SLC47A2: variants seen among roughly 807,000 people sequenced by gnomAD.
The protein encoded by SLC47A2 is solute carrier family 47 member 2.
In SLC47A2, 52 loss-of-function variants were observed where a neutral mutation model predicts 67.7. That is an observed-to-expected ratio of 0.77 (90% CI 0.61 to 0.97). SLC47A2 has a LOEUF of 0.97. SLC47A2 is among the 50% of genes least tolerant of loss of function. SLC47A2 has a pLI of 0.00. For synonymous variants in SLC47A2, 278 were observed against 292.9 expected (o/e 0.95, Z 0.52); for missense variants, 676 against 712.3 (o/e 0.95, Z 0.58).
intron 13 of SLC47A2, among the ~76,000 whole-genome samples, chr17:19,700,758 T>G (rs1329895868): frequency 8.1e-6 from 1 of 123,824 alleles, no homozygotes; most frequent in Non-Finnish European, 1.7e-5. Context: ...GAGTGAGACC[T>G]GTCTCAAAAA....
At chr17:19,714,118 G>T in intron 3 of SLC47A2, 145 bp from the exon 4 acceptor site, 1 of 1,114,266 alleles carries the variant, frequency 9.0e-7, no homozygotes, top group Non-Finnish European at 1.2e-6. Context: ...CCCGCAGCCT[G>T]TAATGGCACA....
intron 13 of SLC47A2, chr17:19,692,227 CAAAA>C (rs11313767): frequency 3.5e-4 from 128 of 364,800 alleles, no homozygotes; most frequent in East Asian, 1.5e-3. Flanking sequence ...GACTCCATGT[CAAAA>C]AAAAAAAAAA....
chr17:19,681,180 T>G (rs1381223282), intron 15 of SLC47A2, among the ~76,000 whole-genome samples, 187 bp downstream of exon 15: 1 of 151,724 alleles, frequency 6.6e-6, no homozygotes, highest in East Asian at 1.9e-4. Context: ...GCCACTGCAC[T>G]CCAGCCTGGG....
intron 13 of SLC47A2, among the ~76,000 whole-genome samples, chr17:19,686,279 T>C (rs572362520): frequency 6.6e-6 from 1 of 151,986 alleles, no homozygotes; most frequent in South Asian, 2.1e-4. Context: ...ATAAATAATA[T>C]TGCAAGCCTC....
At chr17:19,692,025 C>A (rs533799395) in intron 13 of SLC47A2, among the ~76,000 whole-genome samples, 1 of 152,046 alleles carries the variant, frequency 6.6e-6, no homozygotes, top group Non-Finnish European at 1.5e-5. Context: ...GTCAGGAATT[C>A]GAGACCAGCC....
intron 1 of SLC47A2, 27 bp from the exon 2 acceptor site, chr17:19,715,244 C>CG (rs1174600190): frequency 3.8e-6 from 6 of 1,596,900 alleles, no homozygotes; most frequent in Non-Finnish European, 4.3e-6. Context: ...AGGTCAGACT[C>CG]GGGGCCACAG....
At chr17:19,707,608 AGGAGGG>A in intron 8 of SLC47A2, 132 bp downstream of exon 8, 1 of 668,938 alleles carries the variant, frequency 1.5e-6, no homozygotes, top group Admixed American at 2.9e-5. Flanking sequence ...GCAAAGGGGA[AGGAGGG>A]GGCCGTGCAG....
intron 10 of SLC47A2, 65 bp downstream of exon 10, chr17:19,705,371 C>G: frequency 2.0e-6 from 3 of 1,521,388 alleles, no homozygotes; most frequent in South Asian, 1.2e-5. Context: ...AGCCTGCCCC[C>G]CTCCTATGAC....
At chr17:19,680,467 G>A (rs572546132) in intron 15 of SLC47A2, among the ~76,000 whole-genome samples, 3 of 152,260 alleles carry the variant, frequency 2.0e-5, no homozygotes, top group South Asian at 4.2e-4. Context: ...GCAACAGAGC[G>A]ATACTCCATC....
intron 3 of SLC47A2, chr17:19,714,398 C>T (rs982276691): frequency 6.3e-6 from 3 of 479,936 alleles, no homozygotes; most frequent in Non-Finnish European, 1.1e-5. Flanking sequence ...TCGACACATG[C>T]CTGCATGTAG....
chr17:19,693,108 C>T (rs553841026), intron 13 of SLC47A2, among the ~76,000 whole-genome samples: 2 of 150,334 alleles, frequency 1.3e-5, no homozygotes, highest in South Asian at 2.2e-4. Context: ...TCCAGCCTGG[C>T]GACGGAGTGA....
chr17:19,687,356 C>G (rs1265061549), intron 13 of SLC47A2, among the ~76,000 whole-genome samples: 1 of 151,940 alleles, frequency 6.6e-6, no homozygotes, highest in Non-Finnish European at 1.5e-5. Flanking sequence ...AATAAATAAC[C>G]TAATGATGCA....
intron 9 of SLC47A2, among the ~76,000 whole-genome samples, chr17:19,706,321 A>G (rs2085934680): frequency 6.6e-6 from 1 of 150,764 alleles, no homozygotes. Context: ...TGAATCTCTC[A>G]CTCCTCCGTG....
chr17:19,698,753 A>C (rs533157532), intron 13 of SLC47A2, among the ~76,000 whole-genome samples: 172 of 152,358 alleles, frequency 1.1e-3, no homozygotes, highest in African/African-American at 4.0e-3. Flanking sequence ...TTAAGTGTAC[A>C]GGTCAGCAGT....
At chr17:19,699,954 A>G (rs1178167310) in intron 13 of SLC47A2, among the ~76,000 whole-genome samples, 1 of 152,220 alleles carries the variant, frequency 6.6e-6, no homozygotes, top group Non-Finnish European at 1.5e-5. Flanking sequence ...AAAAGGAATG[A>G]AGCAGTGACG....
At chr17:19,713,615 T>C (rs1289321439) in intron 4 of SLC47A2, among the ~76,000 whole-genome samples, 1 of 152,228 alleles carries the variant, frequency 6.6e-6, no homozygotes, top group Non-Finnish European at 1.5e-5. Context: ...TGGGCGTTTG[T>C]CCGCCTCTGT....
At chr17:19,702,532 G>A (rs2085812364) in intron 13 of SLC47A2, 73 bp downstream of exon 13, 11 of 1,591,924 alleles carry the variant, frequency 6.9e-6, no homozygotes, top group Admixed American at 3.5e-5. Context: ...ACAGCCCTGC[G>A]AGGTCCTGGG....
intron 13 of SLC47A2, among the ~76,000 whole-genome samples, chr17:19,699,903 A>G (rs1285235037): frequency 6.6e-6 from 1 of 152,252 alleles, no homozygotes; most frequent in Non-Finnish European, 1.5e-5. Context: ...TGAATGGATA[A>G]ACAAAGGCAG....
At chr17:19,697,984 C>T (rs1369634151) in intron 13 of SLC47A2, among the ~76,000 whole-genome samples, 1 of 152,020 alleles carries the variant, frequency 6.6e-6, no homozygotes, top group Non-Finnish European at 1.5e-5. Flanking sequence ...AAAAGGGGCT[C>T]GTCATTAGAG....
Sources: allele counts gnomAD v4.1 joint callset (sites outside exome capture counted in the v4.1 genomes callset), GRCh38; gene constraint gnomAD v4.1.1; transcripts MANE v1.5; gene names NCBI Gene and HGNC (gene_info 2026-07-23, HGNC 2026-07-21).